Variants in MICU1 observed in about 807,000 individuals in gnomAD.
MICU1 encodes the protein mitochondrial calcium uptake 1.
Under a neutral mutation model 56.8 loss-of-function variants are expected in MICU1, and 45 were observed. That is an observed-to-expected ratio of 0.79 (90% CI 0.62 to 1.02). The LOEUF is 1.02. Among genes scored for constraint, MICU1 ranks in the 50% least tolerant of loss-of-function variants. The probability of loss-of-function intolerance (pLI) is 0.00; values close to 1 mark genes in which losing one functional copy is unlikely to be tolerated. For missense variants in MICU1, 504 were observed against 587.1 expected (o/e 0.86, Z 1.46); for synonymous variants, 186 against 195.1 (o/e 0.95, Z 0.39).
chr10:72,435,912 C>G lies in MICU1; in HGVS notation c.934-12541G>C, dbSNP rs544463902. The stretch of plus-strand genomic sequence containing the variant: ...AAGCTTGAACTGGGCGAAGCCCACC[C>G]CAGCTCAACAAGGCCTACTGCCTCT... On this transcript the variant is annotated intron_variant, in intron 8 of 11. Transcript: ENST00000361114. Among the ~76,000 whole-genome samples the G allele has an allele frequency of 1.2e-3, 183 of 152,360 alleles. 1 individual carries two copies. The highest frequency in any genetic ancestry group is 2.5e-4 in the Non-Finnish European group (17 of 68,040).
At chr10:72,544,406 T>A (rs1839850121) in intron 4 of MICU1, among the ~76,000 whole-genome samples, 1 of 152,160 alleles carries the variant, frequency 6.6e-6, no homozygotes, top group Non-Finnish European at 1.5e-5. Context: ...CCAGGAGAAG[T>A]AAATCACAAT....
chr10:72,441,094 T>C (rs1864908577), intron 8 of MICU1, among the ~76,000 whole-genome samples: 2 of 152,142 alleles, frequency 1.3e-5, no homozygotes, highest in Non-Finnish European at 1.5e-5. Flanking sequence ...TAAAGACACA[T>C]GCACATGTAT....
intron 5 of MICU1, among the ~76,000 whole-genome samples, chr10:72,513,653 T>C (rs543903687): frequency 4.6e-5 from 7 of 152,302 alleles, no homozygotes; most frequent in Non-Finnish European, 8.8e-5. Flanking sequence ...CCCCTACTTT[T>C]CTACTAAGGG....
intron 8 of MICU1, among the ~76,000 whole-genome samples, chr10:72,470,180 G>A (rs1865908155): frequency 1.3e-5 from 2 of 152,190 alleles, no homozygotes; most frequent in Non-Finnish European, 2.9e-5. Context: ...CACATAGCCA[G>A]TAAGTGGTGG....
At chr10:72,500,383 A>C (rs147345435) in intron 6 of MICU1, among the ~76,000 whole-genome samples, 1,953 of 136,776 alleles carry the variant, frequency 0.014, 38 homozygotes, top group African/African-American at 0.048. Flanking sequence ...GCGTGATCTC[A>C]GCTCACTGCC....
At chr10:72,528,515 G>C (rs1422007036) in intron 5 of MICU1, among the ~76,000 whole-genome samples, 1 of 152,180 alleles carries the variant, frequency 6.6e-6, no homozygotes, top group East Asian at 1.9e-4. Flanking sequence ...CCAAGAGAGA[G>C]AGGGAAAGAC....
intron 9 of MICU1, among the ~76,000 whole-genome samples, chr10:72,413,062 T>A (rs1214848382): frequency 1.3e-5 from 2 of 151,732 alleles, no homozygotes; most frequent in Admixed American, 1.3e-4. Flanking sequence ...CCAGGCATGG[T>A]GGCATGTGCT....
At position 72,566,838 on chromosome 10, in the gene MICU1, T is replaced by TATG. The variant is rs761449065; in HGVS notation, c.-1-47_-1-45dup. ...AATGTCACTCTTAGCTAGTGGTAGT[T>TATG]ATGATGATGATGATGATGATCCTAC... On this transcript the variant is annotated intron_variant, in intron 1 of 11. Coordinates refer to ENST00000361114, the MANE Select transcript of MICU1 (RefSeq NM_001195518.2). The TATG allele has an allele frequency of 9.2e-5, 139 of 1,504,204 alleles. 1 individual carries two copies. In the East Asian group the frequency reaches 2.3e-3, roughly 25 times the overall value. The allele number at this position is 1,504,204 out of a possible 1,614,324, so 93.2% of individuals were successfully genotyped here.
chr10:72,502,543 T>C (rs1387704908), intron 6 of MICU1, among the ~76,000 whole-genome samples: 8 of 152,210 alleles, frequency 5.3e-5, no homozygotes. Context: ...CTGTTCTAGC[T>C]GGTTTTCTGT....
intron 8 of MICU1, among the ~76,000 whole-genome samples, chr10:72,466,799 C>T (rs530371808): frequency 7.2e-5 from 11 of 152,266 alleles, no homozygotes; most frequent in East Asian, 3.9e-4. Flanking sequence ...TCCCTTGATA[C>T]GGTCATTTGT....
chr10:72,575,193 C>T (rs776797183), intron 1 of MICU1, among the ~76,000 whole-genome samples: 49 of 152,120 alleles, frequency 3.2e-4, no homozygotes, highest in Non-Finnish European at 7.1e-4. Context: ...GCCACCATGC[C>T]CAACTTTTTG....
chr10:72,590,541 T>C (rs1841193441), intron 1 of MICU1, among the ~76,000 whole-genome samples: 1 of 152,170 alleles, frequency 6.6e-6, no homozygotes, highest in Non-Finnish European at 1.5e-5. Flanking sequence ...TCGGGTGCAG[T>C]GGCTCACACC....
chr10:72,589,551 C>T (rs1841163886), intron 1 of MICU1, among the ~76,000 whole-genome samples: 1 of 151,338 alleles, frequency 6.6e-6, no homozygotes, highest in African/African-American at 2.4e-5. Flanking sequence ...GAAAAACAAA[C>T]ATGGAAAAAT....
chr10:72,549,191 GT>G (rs869232997), intron 4 of MICU1, among the ~76,000 whole-genome samples: 519 of 131,476 alleles, frequency 3.9e-3, no homozygotes, highest in African/African-American at 7.1e-3. Flanking sequence ...GTTTTTTTTG[GT>G]TTTTTTTTTT....
chr10:72,424,122 C>CT (rs1262728176), intron 8 of MICU1, among the ~76,000 whole-genome samples: 88 of 150,410 alleles, frequency 5.9e-4, no homozygotes, highest in Middle Eastern at 3.4e-3. Context: ...TCCCCCCCAC[C>CT]TTTTTTTTTA....
chr10:72,623,833 C>T (rs1378696930), intron 1 of MICU1, among the ~76,000 whole-genome samples: 2 of 151,978 alleles, frequency 1.3e-5, no homozygotes, highest in African/African-American at 2.4e-5. Flanking sequence ...AATGAGACTC[C>T]GTCCCCACCC....
At chr10:72,577,297 G>A (rs1244542592) in intron 1 of MICU1, among the ~76,000 whole-genome samples, 1 of 152,002 alleles carries the variant, frequency 6.6e-6, no homozygotes, top group African/African-American at 2.4e-5. Flanking sequence ...ATCACCTGAG[G>A]TCAGAAGTTC....
At chr10:72,410,745 G>A (rs1223814500) in intron 9 of MICU1, among the ~76,000 whole-genome samples, 1 of 152,144 alleles carries the variant, frequency 6.6e-6, no homozygotes, top group Non-Finnish European at 1.5e-5. Context: ...CCTAATTTGA[G>A]GTCAGTCTCT....
chr10:72,497,659 G>T (rs1234001969), intron 6 of MICU1, among the ~76,000 whole-genome samples: 1 of 152,164 alleles, frequency 6.6e-6, no homozygotes, highest in Admixed American at 6.6e-5. Flanking sequence ...AGGAAGATAG[G>T]ATAAGTGAGA....
Sources: allele counts gnomAD v4.1 joint callset (sites outside exome capture counted in the v4.1 genomes callset), GRCh38; gene constraint gnomAD v4.1.1; transcripts MANE v1.5; gene names NCBI Gene and HGNC (gene_info 2026-07-23, HGNC 2026-07-21).